The following NEDD4L variants were observed in gnomAD, a reference collection of about 807,000 sequenced individuals.
NEDD4L encodes E3 ubiquitin-protein ligase NEDD4-like.
Under a neutral mutation model 148.9 loss-of-function variants are expected in NEDD4L, and 54 were observed. That is an observed-to-expected ratio of 0.36 (90% CI 0.29 to 0.45). The LOEUF is 0.45. Among genes scored for constraint, NEDD4L ranks in the 20% least tolerant of loss-of-function variants. NEDD4L has a pLI of 1.00. For missense variants in NEDD4L, 856 were observed against 1,233.8 expected, an observed-to-expected ratio of 0.69 and a Z score of 4.59; for synonymous variants, 433 against 440.7, an observed-to-expected ratio of 0.98 and a Z score of 0.22.
At chr18:58,053,258 T>A (rs8085111) in intron 1 of NEDD4L, among the ~76,000 whole-genome samples, 137,425 of 152,158 alleles carry the variant, frequency 0.9, 62,143 homozygotes, top group East Asian at 1. Context: ...AGAAGTGCAG[T>A]GACAAGGGCC....
chr18:58,395,267 G>A (rs1206747710), intron 30 of NEDD4L, among the ~76,000 whole-genome samples: 1 of 152,164 alleles, frequency 6.6e-6, no homozygotes, highest in African/African-American at 2.4e-5. Flanking sequence ...TGCAGGTTCT[G>A]TGGCTAAAGG....
At chr18:58,127,525 G>A (rs1451832324) in intron 1 of NEDD4L, among the ~76,000 whole-genome samples, 2 of 148,712 alleles carry the variant, frequency 1.3e-5, no homozygotes, top group Non-Finnish European at 3.0e-5. Flanking sequence ...GCAACATGGC[G>A]AAACCTCACC....
intron 24 of NEDD4L, among the ~76,000 whole-genome samples, chr18:58,379,051 G>A (rs903338213): frequency 4.6e-5 from 7 of 152,230 alleles, no homozygotes; most frequent in Non-Finnish European, 8.8e-5. Flanking sequence ...TGTTCCTTGT[G>A]TGGGGTCCTC....
chr18:58,098,971 A>G lies in NEDD4L; in HGVS notation c.48+54263A>G, dbSNP rs147288027. On this transcript the variant is annotated intron_variant, in intron 1 of 30. Transcript: ENST00000400345. ...TGTTCTCAGTGAGCACCAGGTCACT[A>G]TTATTATGTTACTTGTCATGACGAG... Among the ~76,000 whole-genome samples the G allele has an allele frequency of 6.6e-5, 10 of 152,312 alleles. No individual in the cohort carries two copies. In the East Asian group the frequency reaches 1.9e-3, roughly 29 times the overall value.
chr18:58,307,188 C>G (rs188315897), intron 5 of NEDD4L, among the ~76,000 whole-genome samples: 5 of 152,098 alleles, frequency 3.3e-5, no homozygotes, highest in African/African-American at 1.2e-4. Context: ...GGGAGGAGTG[C>G]GCACTGGGGT....
At position 58,271,948 on chromosome 18, in the gene NEDD4L, G is replaced by A. The variant is rs900229283; in HGVS notation, c.297+19894G>A. Among the ~76,000 whole-genome samples the A allele has an allele frequency of 2.6e-5, 4 of 152,174 alleles. No homozygotes were observed. The East Asian group carries it at 7.7e-4, about 29-fold the overall frequency. On this transcript the variant is annotated intron_variant, in intron 5 of 30. Coordinates refer to ENST00000400345, the MANE Select transcript of NEDD4L (RefSeq NM_001144967.3). ...AAAGAATTAGTTGCTAATTTTGGATGTGGCTGAAATGAGATTGTCAGCAAA... is the reference window on the plus strand; with the variant it reads ...AAAGAATTAGTTGCTAATTTTGGATATGGCTGAAATGAGATTGTCAGCAAA...
rs2050538785 is a variant in NEDD4L, at chr18:58,397,010, T to C, written c.*741T>C. 6.6e-6 allele frequency: 1 copy of C among 152,648 alleles called. No homozygotes were observed. The highest frequency in any genetic ancestry group is 1.5e-5 in the Non-Finnish European group (1 of 68,042). The allele number at this position is 152,648 out of a possible 1,614,324, so 9.5% of individuals were successfully genotyped here. On this transcript the variant is annotated 3_prime_UTR_variant, in exon 31 of 31. Coordinates refer to ENST00000400345, the MANE Select transcript of NEDD4L (RefSeq NM_001144967.3). ...GAATTGTAACATAGCATGACAAATT[T>C]TGTGTTGACTTGAAAGGAATCACAC...
At chr18:58,093,988 C>T (rs1000209863) in intron 1 of NEDD4L, among the ~76,000 whole-genome samples, 1 of 152,106 alleles carries the variant, frequency 6.6e-6, no homozygotes, top group Non-Finnish European at 1.5e-5. Context: ...TTCCTGAAGC[C>T]TGACTCCTTT....
intron 2 of NEDD4L, among the ~76,000 whole-genome samples, chr18:58,186,203 C>T (rs2039470635): frequency 6.6e-6 from 1 of 152,218 alleles, no homozygotes; most frequent in Admixed American, 6.5e-5. Context: ...ACAGTTTGAA[C>T]CTGTGTTGAG....
At chr18:58,140,296 T>TA (rs2033352080) in intron 1 of NEDD4L, among the ~76,000 whole-genome samples, 1 of 152,234 alleles carries the variant, frequency 6.6e-6, no homozygotes, top group Admixed American at 6.5e-5. Context: ...GCCCGGTGAT[T>TA]AAAATCATAC....
chr18:58,083,633 A>G (rs1207020286), intron 1 of NEDD4L, among the ~76,000 whole-genome samples: 1 of 152,188 alleles, frequency 6.6e-6, no homozygotes, highest in Non-Finnish European at 1.5e-5. Context: ...GCTTGCAGTC[A>G]GCAGAGGTTG....
intron 25 of NEDD4L, 88 bp from the exon 26 acceptor site, chr18:58,385,438 T>G: frequency 9.7e-7 from 1 of 1,030,810 alleles, no homozygotes; most frequent in East Asian, 2.4e-5. Context: ...CTGTCGTGGA[T>G]GGAGGAGAAG....
chr18:58,244,407 C>T (rs529978609), intron 2 of NEDD4L, among the ~76,000 whole-genome samples: 2 of 152,206 alleles, frequency 1.3e-5, no homozygotes, highest in South Asian at 2.1e-4. Context: ...TTTGAGCTAC[C>T]CCAGGGCTAG....
rs1291715112 is a variant in NEDD4L at position 58,153,099 on chromosome 18, C to A, written c.49-12689C>A. On this transcript the variant is annotated intron_variant, in intron 1 of 30. Coordinates refer to ENST00000400345, the MANE Select transcript of NEDD4L (RefSeq NM_001144967.3). Reference sequence around the variant, plus strand: ...AGACACCTGGCCTCAGGCTGCATCGCCCATACTTCCTGTGGAATGGTTATC... The same window carrying A: ...AGACACCTGGCCTCAGGCTGCATCGACCATACTTCCTGTGGAATGGTTATC... Among the ~76,000 whole-genome samples, 6 of 152,140 alleles carry A rather than the reference C, an allele frequency of 3.9e-5. No homozygotes were observed. The East Asian group carries it at 1.2e-3, about 29-fold the overall frequency.
intron 1 of NEDD4L, among the ~76,000 whole-genome samples, chr18:58,144,540 G>A (rs182414067): frequency 5.3e-5 from 8 of 152,138 alleles, no homozygotes; most frequent in South Asian, 2.1e-4. Flanking sequence ...ACACTATGTC[G>A]TAGCCTTAAG....
In NEDD4L at chr18:58,389,206, C is replaced by G; in HGVS notation, c.2655+14C>G. ...TGGTTCTGGAAGGTAACTCCGGGGC[C>G]CAGCCCCAGCCGGTGTCCTCCACCT... On this transcript the variant is annotated intron_variant, in intron 28 of 30. Transcript: ENST00000400345. 1 of 1,585,240 alleles carries G rather than the reference C, an allele frequency of 6.3e-7. No individual in the cohort carries two copies. The highest frequency in any genetic ancestry group is 8.7e-7 in the Non-Finnish European group (1 of 1,155,086).
intron 1 of NEDD4L, among the ~76,000 whole-genome samples, chr18:58,139,191 T>C (rs1211929711): frequency 6.6e-6 from 1 of 152,248 alleles, no homozygotes; most frequent in African/African-American, 2.4e-5. Context: ...TTGTTTTCTG[T>C]AGTCTTTGAC....
At chr18:58,095,778 A>C (rs890431245) in intron 1 of NEDD4L, among the ~76,000 whole-genome samples, 2 of 152,204 alleles carry the variant, frequency 1.3e-5, no homozygotes, top group African/African-American at 4.8e-5. Flanking sequence ...TATATACTTA[A>C]ATTTCTGCCA....
intron 6 of NEDD4L, among the ~76,000 whole-genome samples, chr18:58,321,390 C>T (rs1394229587): frequency 6.6e-6 from 1 of 152,178 alleles, no homozygotes; most frequent in African/African-American, 2.4e-5. Flanking sequence ...TACTGCAGTA[C>T]ATATAATCTG....
Sources: allele counts gnomAD v4.1 joint callset (sites outside exome capture counted in the v4.1 genomes callset), GRCh38; gene constraint gnomAD v4.1.1; transcripts MANE v1.5; gene names NCBI Gene and HGNC (gene_info 2026-07-23, HGNC 2026-07-21).